S100A2: variants seen among roughly 807,000 people sequenced by gnomAD.
The protein encoded by S100A2 is protein S100-A2.
S100A2 carries 5 observed loss-of-function variants against 4.3 expected under a neutral mutation model. The ratio of observed to expected loss-of-function variants is 1.16; its 90% CI spans 0.61 to 2.44. S100A2 has a LOEUF of 2.44. Ranked by LOEUF, S100A2 falls within the 30% of genes most tolerant of loss-of-function variation. The pLI is 0.01. For missense variants in S100A2, 103 were observed against 114.7 expected (o/e 0.90, Z 0.47); for synonymous variants, 44 against 46.0 (o/e 0.96, Z 0.17).
At chr1:153,564,934 A>G (rs1397664347) in intron 1 of S100A2, among the ~76,000 whole-genome samples, 1 of 148,940 alleles carries the variant, frequency 6.7e-6, no homozygotes, top group African/African-American at 2.4e-5. Context: ...TAGACCCCCA[A>G]AGAAGGGCCC....
intron 2 of S100A2, among the ~76,000 whole-genome samples, chr1:153,563,129 T>C (rs922354155): frequency 1.2e-5 from 1 of 84,380 alleles, no homozygotes; most frequent in Non-Finnish European, 3.7e-5. Flanking sequence ...CAAAAATCAC[T>C]TTGGGAAGCC....
chr1:153,565,492 A>T lies in S100A2; in HGVS notation c.-11+14T>A, dbSNP rs1165422217. 1 of 152,780 alleles carries T rather than the reference A, an allele frequency of 6.5e-6. No homozygotes were observed. The highest frequency in any genetic ancestry group is 6.5e-5 in the Admixed American group (1 of 15,280). The allele number at this position is 152,780 out of a possible 1,614,324, so 9.5% of individuals were successfully genotyped here. ...TCCTCCCCACCCTGCCCTCAGCAGG[A>T]CAGAGGTACTCACCAGACCAGGTGG... is the stretch of plus-strand genomic sequence containing the variant. On this transcript the variant is annotated intron_variant, in intron 1 of 2. Transcript: ENST00000368708.
chr1:153,562,519 A>G (rs1665914839), intron 2 of S100A2, among the ~76,000 whole-genome samples: 1 of 152,222 alleles, frequency 6.6e-6, no homozygotes, highest in African/African-American at 2.4e-5. Flanking sequence ...AAAAAAGGAA[A>G]GAAGGACCTG....
intron 2 of S100A2, among the ~76,000 whole-genome samples, chr1:153,563,039 C>T (rs547707375): frequency 7.4e-4 from 112 of 151,104 alleles, no homozygotes; most frequent in African/African-American, 2.7e-3. Flanking sequence ...TTTCAGAGGC[C>T]GAGGAGGGCA....
intron 1 of S100A2, among the ~76,000 whole-genome samples, 180 bp downstream of exon 1, chr1:153,565,326 A>AAG (rs1315565485): frequency 6.6e-6 from 1 of 151,378 alleles, no homozygotes; most frequent in African/African-American, 2.4e-5. Context: ...AAAAAAAAAA[A>AAG]AAAAAAAAAC....
intron 2 of S100A2, among the ~76,000 whole-genome samples, chr1:153,562,118 C>T (rs1414471935): frequency 6.6e-6 from 1 of 152,128 alleles, no homozygotes; most frequent in African/African-American, 2.4e-5. Context: ...CATGCCACCA[C>T]ACCCAGCTAA....
In S100A2 at chr1:153,565,311, C is replaced by CAAAAAAA. The variant is rs57778287; in HGVS notation, c.-11+188_-11+194dup. ...TGGGCGACAGAGCGAGACTCCATCT[C>CAAAAAAA]AAAAAAAAAAAAAAAAAAAAAAAAC... On this transcript the variant is annotated intron_variant, in intron 1 of 2. Transcript: ENST00000368708. Among the ~76,000 whole-genome samples, 12 of 46,758 alleles carry CAAAAAAA rather than the reference C, an allele frequency of 2.6e-4. 1 individual carries two copies. Among genetic ancestry groups the CAAAAAAA allele is most frequent in the African/African-American group, 8.2e-4 (11 of 13,418 alleles). 30.7% of individuals were successfully genotyped at this position (46,758 alleles called of 152,430 possible).
At chr1:153,565,039 C>T (rs1306184476) in intron 1 of S100A2, among the ~76,000 whole-genome samples, 1 of 151,408 alleles carries the variant, frequency 6.6e-6, no homozygotes, top group African/African-American at 2.4e-5. Context: ...CGGCCGGGCG[C>T]GGTGGCTTAC....
chr1:153,565,069 T>C (rs1354306935), intron 1 of S100A2, among the ~76,000 whole-genome samples: 5 of 151,284 alleles, frequency 3.3e-5, no homozygotes, highest in Non-Finnish European at 7.4e-5. Flanking sequence ...CCCAGCACTT[T>C]GGGAGGCCGA....
chr1:153,565,205 G>A (rs983356560), intron 1 of S100A2, among the ~76,000 whole-genome samples: 6 of 151,572 alleles, frequency 4.0e-5, no homozygotes, highest in African/African-American at 9.7e-5. Context: ...CCAGCTACTC[G>A]GGAGGCTGAG....
chr1:153,565,155 C>CA (rs1413169136), intron 1 of S100A2, among the ~76,000 whole-genome samples: 3 of 151,416 alleles, frequency 2.0e-5, no homozygotes, highest in Admixed American at 6.6e-5. Flanking sequence ...ACTAAAAATA[C>CA]AAAAAAATTA....
In S100A2 at chr1:153,561,381, A is replaced by G. The variant is rs375913883; in HGVS notation, c.*58T>C. 2 of 1,559,634 alleles carry G rather than the reference A, an allele frequency of 1.3e-6. No individual in the cohort carries two copies. The highest frequency in any genetic ancestry group is 4.0e-5 in the Admixed American group (2 of 49,854). Reference sequence around the variant, plus strand: ...AAAAAGTTTATTGAATACAAAACTCAAAGGCATCAACAGTCCTGGGCCCAA... The same window carrying G: ...AAAAAGTTTATTGAATACAAAACTCGAAGGCATCAACAGTCCTGGGCCCAA... On this transcript the variant is annotated 3_prime_UTR_variant, in exon 3 of 3. Coordinates refer to ENST00000368708, the MANE Select transcript of S100A2 (RefSeq NM_005978.4).
At chr1:153,565,404 T>C (rs1665986921) in intron 1 of S100A2, 102 bp downstream of exon 1, 1 of 151,324 alleles carries the variant, frequency 6.6e-6, no homozygotes, top group South Asian at 2.1e-4. Context: ...GAGGCCCAGG[T>C]TGATCCCACC....
At position 153,565,672 on chromosome 1, in the gene S100A2, TTCCCTCCCAGCCCCC is replaced by T. The variant is rs72356990; in HGVS notation, c.-192_-178del. On this transcript the variant is annotated 5_prime_UTR_variant, in exon 1 of 3. Transcript: ENST00000368708. ...CCTGGCCTCTTGCCATTCCCACTCA[TTCCCTCCCAGCCCCC>T]TCCCTCCCAGAGAGTGCCAGCTCCA... 0.015 allele frequency: 2,341 copies of T among 152,600 alleles called. 138 individuals carry two copies. Among genetic ancestry groups the T allele is most frequent in the East Asian group, 0.1 (528 of 5,190 alleles). The allele number at this position is 152,600 out of a possible 1,614,324, so 9.5% of individuals were successfully genotyped here. A position where few individuals can be genotyped will look rare whatever the true frequency, so the allele number is the denominator to read the frequency against.
intron 2 of S100A2, chr1:153,563,490 A>C (rs765463833): frequency 6.4e-7 from 1 of 1,550,520 alleles, no homozygotes; most frequent in East Asian, 2.4e-5. Context: ...GACAGGATTA[A>C]ACAGATGGAC....
At position 153,563,595 on chromosome 1, in the gene S100A2, G is replaced by A. The variant is rs1665943429; in HGVS notation, c.144+139C>T. On this transcript the variant is annotated intron_variant, in intron 2 of 2. Coordinates refer to ENST00000368708, the MANE Select transcript of S100A2 (RefSeq NM_005978.4). ...CTCGGGCCTCATTTCCACTCCAGTG[G>A]AGCCATGAAGCTAAAGTGGGGAGGG... 3.9e-6 allele frequency: 6 copies of A among 1,556,088 alleles called. No individual in the cohort carries two copies. In the Admixed American group the frequency reaches 9.7e-5, roughly 25 times the overall value.
intron 2 of S100A2, 133 bp downstream of exon 2, chr1:153,563,601 T>G: frequency 6.4e-7 from 1 of 1,559,042 alleles, no homozygotes; most frequent in Non-Finnish European, 8.7e-7. Context: ...AGTGGAGCCA[T>G]GAAGCTAAAG....
chr1:153,561,564 T>A lies in S100A2; in HGVS notation c.172A>T (p.Lys58Ter). The change falls in exon 3 of 3, where the codon AAG becomes TAG. Residue 58 changes from lysine (K) to a stop codon, truncating the protein, a stop_gained. Transcript: ENST00000368708. LOFTEE classifies it low-confidence loss of function (END_TRUNC). Reference sequence around the variant, plus strand: ...TTCTCATCCAGGCTGCCCATCAGCTTCTTCAGCCCCTCCTCATCCACTTTC... The same window carrying A: ...TTCTCATCCAGGCTGCCCATCAGCTACTTCAGCCCCTCCTCATCCACTTTC... ...GEKVDEEGLK[K>*]LMGSLDENSD... 2.5e-6 allele frequency: 4 copies of A among 1,614,124 alleles called. No individual in the cohort carries two copies. Among genetic ancestry groups the A allele is most frequent in the Non-Finnish European group, 3.4e-6 (4 of 1,180,018 alleles).
Position 153,561,537 on chromosome 1 carries a change from T to C in S100A2, c.199A>G (p.Ser67Gly), listed in dbSNP as rs41300857. 1.2e-6 allele frequency: 2 copies of C among 1,614,142 alleles called. No homozygotes were observed. Among genetic ancestry groups the C allele is most frequent in the South Asian group, 1.1e-5 (1 of 91,068 alleles). The change falls in exon 3 of 3, where the codon AGT (serine) becomes GGT (glycine). Residue 67 changes from serine to glycine, a missense_variant. Physicochemically the swap from Ser to Gly is moderately conservative, Grantham distance 56. Transcript: ENST00000368708. ...TCCTGGAAGTCCACCTGCTGGTCAC[T>C]GTTCTCATCCAGGCTGCCCATCAGC... ...KKLMGSLDEN[S>G]DQQVDFQEYA...
Sources: gnomAD v4.1 joint callset for allele counts (sites outside exome capture counted in the v4.1 genomes callset) on GRCh38, gnomAD v4.1.1 for gene constraint, MANE v1.5 for transcripts, NCBI Gene and HGNC (gene_info 2026-07-23, HGNC 2026-07-21) for gene names.